Variants in CTNNA2 observed in about 807,000 individuals in gnomAD.
CTNNA2 encodes catenin alpha 2, also known as catenin alpha-2.
Under a neutral mutation model 101.0 loss-of-function variants are expected in CTNNA2, and 42 were observed. That is an observed-to-expected ratio of 0.42 (90% CI 0.32 to 0.54). CTNNA2 has a LOEUF of 0.54. CTNNA2 is among the 20% of genes least tolerant of loss of function. CTNNA2 has a pLI of 0.14. For synonymous variants in CTNNA2, 450 were observed against 456.4 expected (o/e 0.99, Z 0.18); for missense variants, 871 against 1,223.1 (o/e 0.71, Z 4.29).
At chr2:79,638,021 A>G (rs1044188702) in intron 1 of CTNNA2, among the ~76,000 whole-genome samples, 11 of 152,184 alleles carry the variant, frequency 7.2e-5, no homozygotes, top group Admixed American at 2.0e-4. Flanking sequence ...TGTCTGATAC[A>G]CATGTTGTTA....
chr2:79,243,378 A>G (rs1484142428), intron 2 of CTNNA2, among the ~76,000 whole-genome samples: 3 of 152,220 alleles, frequency 2.0e-5, no homozygotes, highest in African/African-American at 7.2e-5. Flanking sequence ...AGTGTGCAGT[A>G]GTTACTATAG....
intron 3 of CTNNA2, among the ~76,000 whole-genome samples, chr2:79,833,228 A>G (rs1019831674): frequency 6.6e-6 from 1 of 152,170 alleles, no homozygotes; most frequent in African/African-American, 2.4e-5. Context: ...GTGGCTGAAA[A>G]ACGGAGTTAT....
At chr2:80,014,493 A>G (rs186123332) in intron 7 of CTNNA2, among the ~76,000 whole-genome samples, 1 of 152,082 alleles carries the variant, frequency 6.6e-6, no homozygotes, top group Admixed American at 6.6e-5. Flanking sequence ...TCAAAGTGCT[A>G]CCATATATCA....
intron 1 of CTNNA2, among the ~76,000 whole-genome samples, chr2:79,197,182 C>T (rs1348033375): frequency 6.6e-6 from 1 of 152,044 alleles, no homozygotes; most frequent in Non-Finnish European, 1.5e-5. Flanking sequence ...ATAAAGAGCA[C>T]CCGAATTAGA....
At chr2:79,559,116 G>T (rs1674617730) in intron 1 of CTNNA2, among the ~76,000 whole-genome samples, 1 of 151,970 alleles carries the variant, frequency 6.6e-6, no homozygotes, top group Non-Finnish European at 1.5e-5. Context: ...TTTATAGATA[G>T]TGGAGAGGTA....
At chr2:79,561,141 T>C (rs1202122070) in intron 1 of CTNNA2, among the ~76,000 whole-genome samples, 1 of 151,960 alleles carries the variant, frequency 6.6e-6, no homozygotes, top group African/African-American at 2.4e-5. Flanking sequence ...ACAGATTTGC[T>C]TATTGTCGAC....
chr2:79,704,857 C>G (rs547850277), intron 2 of CTNNA2, among the ~76,000 whole-genome samples: 1 of 152,040 alleles, frequency 6.6e-6, no homozygotes, highest in Non-Finnish European at 1.5e-5. Context: ...CCCTTTCAAG[C>G]AGAGCCCTGC....
At chr2:79,280,656 T>TGTGTG (rs1337075035) in intron 2 of CTNNA2, among the ~76,000 whole-genome samples, 6 of 96,716 alleles carry the variant, frequency 6.2e-5, no homozygotes, top group African/African-American at 1.7e-4. Flanking sequence ...TGTGTGTGTG[T>TGTGTG]AAGAGAAAGA....
At chr2:79,395,274 G>T (rs1360774560) in intron 4 of CTNNA2, among the ~76,000 whole-genome samples, 1 of 151,756 alleles carries the variant, frequency 6.6e-6, no homozygotes. Flanking sequence ...AAGTTTTAGG[G>T]TACATGTGCA....
At chr2:79,885,689 T>C (rs6742485) in intron 6 of CTNNA2, among the ~76,000 whole-genome samples, 4,160 of 152,320 alleles carry the variant, frequency 0.027, 116 homozygotes, top group African/African-American at 0.06. Context: ...ATTGTAAGTT[T>C]CCTATATCTT....
chr2:79,927,756 T>C (rs1687124441), intron 7 of CTNNA2, among the ~76,000 whole-genome samples: 1 of 152,214 alleles, frequency 6.6e-6, no homozygotes. Context: ...TTGCTTATTG[T>C]ATTCACACAG....
chr2:79,746,207 C>T (rs567467256), intron 3 of CTNNA2, among the ~76,000 whole-genome samples: 31 of 152,062 alleles, frequency 2.0e-4, no homozygotes, highest in Admixed American at 1.3e-3. Flanking sequence ...CTATTTTTTT[C>T]GGAGAAATAT....
chr2:79,495,701 A>G (rs1332010285), intron 4 of CTNNA2, among the ~76,000 whole-genome samples: 1 of 152,192 alleles, frequency 6.6e-6, no homozygotes, highest in Non-Finnish European at 1.5e-5. Context: ...AAGTGGAAAT[A>G]ACATATCTAT....
At chr2:80,141,273 G>A (rs963069098) in intron 7 of CTNNA2, among the ~76,000 whole-genome samples, 3 of 151,680 alleles carry the variant, frequency 2.0e-5, no homozygotes, top group Admixed American at 6.6e-5. Flanking sequence ...TCTTTGTCTC[G>A]CGGAGGCCAC....
At chr2:79,516,338 T>C (rs1161655580) in intron 1 of CTNNA2, among the ~76,000 whole-genome samples, 1 of 152,052 alleles carries the variant, frequency 6.6e-6, no homozygotes, top group East Asian at 1.9e-4. Flanking sequence ...GAAGCGCAAG[T>C]AAGTACTAGA....
intron 7 of CTNNA2, among the ~76,000 whole-genome samples, chr2:79,969,773 A>G (rs1558686336): frequency 1.3e-5 from 2 of 151,856 alleles, no homozygotes; most frequent in East Asian, 1.9e-4. Context: ...TAAAGCATTT[A>G]TCTCTGTGTG....
chr2:80,293,964 G>A (rs560692114), intron 7 of CTNNA2, among the ~76,000 whole-genome samples: 2 of 152,280 alleles, frequency 1.3e-5, no homozygotes, highest in Admixed American at 6.5e-5. Flanking sequence ...GTAACTGCAG[G>A]ACTTCAGTGG....
chr2:79,589,462 G>C (rs1373113549), intron 1 of CTNNA2, among the ~76,000 whole-genome samples: 3 of 151,734 alleles, frequency 2.0e-5, no homozygotes, highest in Non-Finnish European at 4.4e-5. Context: ...CTCCACTATT[G>C]TCCTTTTTTT....
chr2:80,508,243 A>G (rs369327656), intron 9 of CTNNA2, among the ~76,000 whole-genome samples: 3 of 152,252 alleles, frequency 2.0e-5, no homozygotes, highest in South Asian at 4.2e-4. Context: ...GAGGAAAGGA[A>G]TGGAACAATC....
Sources: gnomAD v4.1 joint callset for allele counts (sites outside exome capture counted in the v4.1 genomes callset) on GRCh38, gnomAD v4.1.1 for gene constraint, MANE v1.5 for transcripts, NCBI Gene and HGNC (gene_info 2026-07-23, HGNC 2026-07-21) for gene names.